Variants in GRAMD1B observed in about 807,000 individuals in gnomAD.
GRAMD1B encodes the protein GRAM domain containing 1B, also known as protein Aster-B.
A neutral mutation model predicts 99.7 loss-of-function variants in GRAMD1B; 37 were observed. The ratio of observed to expected loss-of-function variants is 0.37; its 90% CI spans 0.29 to 0.49. The LOEUF (loss-of-function observed/expected upper bound fraction) is 0.49. GRAMD1B is among the 20% of genes least tolerant of loss of function. The probability of loss-of-function intolerance (pLI) is 0.98; values close to 1 mark genes in which losing one functional copy is unlikely to be tolerated. For missense variants in GRAMD1B, 888 were observed against 1,009.2 expected (o/e 0.88, Z 1.63); for synonymous variants, 427 against 387.6 (o/e 1.10, Z -1.19).
At chr11:123,475,113 A>T (rs1306592645) in intron 1 of GRAMD1B, among the ~76,000 whole-genome samples, 2 of 152,098 alleles carry the variant, frequency 1.3e-5, no homozygotes, top group Non-Finnish European at 2.9e-5. Context: ...GGGCAGAAGG[A>T]CGGCTTCCTG....
chr11:123,507,695 A>G (rs1273376261), intron 2 of GRAMD1B, among the ~76,000 whole-genome samples: 1 of 152,252 alleles, frequency 6.6e-6, no homozygotes, highest in Non-Finnish European at 1.5e-5. Flanking sequence ...TTAAATGTAT[A>G]TACCAATCTC....
intron 1 of GRAMD1B, among the ~76,000 whole-genome samples, chr11:123,407,333 A>G (rs1442297992): frequency 6.6e-6 from 1 of 152,132 alleles, no homozygotes; most frequent in Non-Finnish European, 1.5e-5. Flanking sequence ...GTTCACATTA[A>G]AAGCTTCCGT....
intron 17 of GRAMD1B, among the ~76,000 whole-genome samples, chr11:123,616,964 CAGAG>C (rs752366070): frequency 6.6e-6 from 1 of 152,168 alleles, no homozygotes; most frequent in Non-Finnish European, 1.5e-5. Context: ...GGGGACAACT[CAGAG>C]AGGCCTGAGA....
intron 1 of GRAMD1B, among the ~76,000 whole-genome samples, chr11:123,403,382 A>C (rs2135930317): frequency 6.6e-6 from 1 of 151,050 alleles, no homozygotes; most frequent in Middle Eastern, 3.4e-3. Context: ...AGCTGAGATC[A>C]TGCCATTGCA....
chr11:123,470,412 A>G (rs766980707), intron 1 of GRAMD1B, among the ~76,000 whole-genome samples: 13 of 151,984 alleles, frequency 8.6e-5, no homozygotes, highest in Non-Finnish European at 1.5e-4. Flanking sequence ...CTTAAACACC[A>G]AGGCTCAAGT....
intron 1 of GRAMD1B, among the ~76,000 whole-genome samples, chr11:123,369,528 C>CT (rs1946448272): frequency 6.6e-6 from 1 of 152,094 alleles, no homozygotes; most frequent in Non-Finnish European, 1.5e-5. Context: ...CCGCCAAGCA[C>CT]TGGGGCTAGG....
chr11:123,371,792 A>G (rs1366851344), intron 1 of GRAMD1B, among the ~76,000 whole-genome samples: 11 of 152,172 alleles, frequency 7.2e-5, no homozygotes. Flanking sequence ...TTGTCTTGCT[A>G]GAGTTCTCCA....
At chr11:123,525,937 A>G (rs998479403) in intron 2 of GRAMD1B, 72 of 585,964 alleles carry the variant, frequency 1.2e-4, no homozygotes, top group Middle Eastern at 3.5e-4. Flanking sequence ...CTCCAAGCCC[A>G]GCTTTCAGCT....
chr11:123,605,223 C>A (rs1952551609), intron 9 of GRAMD1B, 99 bp from the exon 10 acceptor site: 6 of 784,720 alleles, frequency 7.6e-6, no homozygotes, highest in Middle Eastern at 2.5e-4. Flanking sequence ...AGCAGGAAAT[C>A]TCATAGATAT....
intron 19 of GRAMD1B, among the ~76,000 whole-genome samples, chr11:123,619,902 T>C (rs1954909610): frequency 6.6e-6 from 1 of 152,194 alleles, no homozygotes; most frequent in Non-Finnish European, 1.5e-5. Flanking sequence ...GCAAGAGAAT[T>C]AGAAAATAAT....
chr11:123,561,144 C>T (rs1612653), intron 2 of GRAMD1B, among the ~76,000 whole-genome samples: 20,201 of 152,200 alleles, frequency 0.13, 1,527 homozygotes, highest in Admixed American at 0.19. Context: ...AATTCAGTGC[C>T]CTCTAACTTG....
intron 3 of GRAMD1B, among the ~76,000 whole-genome samples, chr11:123,582,073 C>T (rs550893959): frequency 6.0e-4 from 91 of 152,338 alleles, no homozygotes; most frequent in African/African-American, 2.1e-3. Context: ...GCAGGGATCT[C>T]GTGACCTGGG....
upstream of GRAMD1B, among the ~76,000 whole-genome samples, chr11:123,427,163 T>C (rs1480789138): frequency 6.6e-6 from 1 of 152,166 alleles, no homozygotes; most frequent in Non-Finnish European, 1.5e-5. Flanking sequence ...GGGGAGCAAG[T>C]GCAATCGCTG....
intron 2 of GRAMD1B, among the ~76,000 whole-genome samples, chr11:123,546,900 G>T (rs1945086510): frequency 6.6e-6 from 1 of 152,098 alleles, no homozygotes; most frequent in Non-Finnish European, 1.5e-5. Context: ...TCTGTTCTTG[G>T]TGGGGGTTTG....
rs1239510388 is a variant in GRAMD1B, at chr11:123,430,970, C to A, written c.178C>A (p.Leu60Met). Reference protein sequence around the residue: ...NVQEQSLEAGLARDLPAVLAP... With the variant: ...NVQEQSLEAGMARDLPAVLAP... Reference sequence around the variant, plus strand: ...ACAGGAGCAGAGCCTGGAGGCCGGGCTGGCCCGGGACCTGCCCGCCGTCTT... The same window carrying A: ...ACAGGAGCAGAGCCTGGAGGCCGGGATGGCCCGGGACCTGCCCGCCGTCTT... Residue 60 changes from leucine to methionine, a missense_variant, in exon 1 of 20, where the codon CTG (leucine) becomes ATG (methionine). Leu to Met is a conservative substitution (Grantham distance 15, BLOSUM62 2). This residue lies in a region of GRAMD1B where 233 missense variants were observed against 154.6 expected (regional missense o/e 1.51). Transcript: ENST00000635736. 8.5e-6 allele frequency: 6 copies of A among 702,842 alleles called. No individual in the cohort carries two copies. Among genetic ancestry groups the A allele is most frequent in the Non-Finnish European group, 1.6e-5 (6 of 384,890 alleles). The allele number at this position is 702,842 out of a possible 1,614,324, so 43.5% of individuals were successfully genotyped here. A position where few individuals can be genotyped will look rare whatever the true frequency, so the allele number is the denominator to read the frequency against.
chr11:123,468,169 A>G (rs1170338198), intron 1 of GRAMD1B, among the ~76,000 whole-genome samples: 1 of 152,068 alleles, frequency 6.6e-6, no homozygotes, highest in African/African-American at 2.4e-5. Flanking sequence ...GCCTCAGGGT[A>G]CTTTCAACAT....
chr11:123,395,849 A>T (rs192127587), intron 1 of GRAMD1B, among the ~76,000 whole-genome samples: 28 of 152,336 alleles, frequency 1.8e-4, no homozygotes, highest in Non-Finnish European at 1.6e-4. Flanking sequence ...ACCTTAGAGA[A>T]GTTTCTTTTT....
intron 3 of GRAMD1B, among the ~76,000 whole-genome samples, chr11:123,578,040 C>T (rs1294573764): frequency 1.3e-5 from 2 of 152,186 alleles, no homozygotes; most frequent in Non-Finnish European, 2.9e-5. Flanking sequence ...TTGGTACTCA[C>T]CTGGCAGAGA....
intron 1 of GRAMD1B, among the ~76,000 whole-genome samples, chr11:123,477,049 C>T (rs1220493230): frequency 6.6e-6 from 1 of 152,194 alleles, no homozygotes; most frequent in African/African-American, 2.4e-5. Flanking sequence ...TCCTATAACC[C>T]ATAAAATGAT....
Sources: allele counts gnomAD v4.1 joint callset (sites outside exome capture counted in the v4.1 genomes callset), GRCh38; gene constraint gnomAD v4.1.1; regional missense constraint gnomAD v4.1.1; transcripts MANE v1.5; gene names NCBI Gene and HGNC (gene_info 2026-07-23, HGNC 2026-07-21).